ASTN1: variants seen among roughly 807,000 people sequenced by gnomAD.
The protein encoded by ASTN1 is astrotactin 1.
ASTN1 carries 41 observed loss-of-function variants against 140.7 expected under a neutral mutation model. That is an observed-to-expected ratio of 0.29 (90% CI 0.23 to 0.38). The LOEUF is 0.38. ASTN1 is among the 10% of genes least tolerant of loss of function. The probability of loss-of-function intolerance (pLI) is 1.00; values close to 1 mark genes in which losing one functional copy is unlikely to be tolerated. For synonymous variants in ASTN1, 640 were observed against 652.2 expected (o/e 0.98, Z 0.29); for missense variants, 1,479 against 1,678.8 (o/e 0.88, Z 2.08).
downstream of ASTN1, among the ~76,000 whole-genome samples, chr1:176,858,879 G>C (rs571346712): frequency 2.6e-5 from 4 of 152,160 alleles, no homozygotes; most frequent in Non-Finnish European, 4.4e-5. Context: ...ATAGTGTAAG[G>C]GTTTGTGTCA....
chr1:177,048,597 G>C (rs182779356), intron 2 of ASTN1, among the ~76,000 whole-genome samples: 1 of 152,266 alleles, frequency 6.6e-6, no homozygotes, highest in African/African-American at 2.4e-5. Context: ...TCTCCTTCCG[G>C]GAGTATTCAA....
chr1:177,139,165 G>C (rs532063119), intron 1 of ASTN1, among the ~76,000 whole-genome samples: 4 of 152,218 alleles, frequency 2.6e-5, no homozygotes, highest in African/African-American at 4.8e-5. Context: ...AGGAAGACAA[G>C]GGTGCTAAAA....
chr1:177,004,607 T>G (rs1387727279), intron 8 of ASTN1, among the ~76,000 whole-genome samples: 1 of 152,172 alleles, frequency 6.6e-6, no homozygotes, highest in Admixed American at 6.5e-5. Flanking sequence ...CAAAATAGCA[T>G]GGTACTGGTA....
intron 16 of ASTN1, among the ~76,000 whole-genome samples, chr1:176,920,698 C>A (rs1310306467): frequency 6.6e-6 from 1 of 152,220 alleles, no homozygotes; most frequent in Admixed American, 6.5e-5. Context: ...CCACACTGTC[C>A]TATGGACACT....
intron 8 of ASTN1, among the ~76,000 whole-genome samples, chr1:176,979,968 A>C (rs899222844): frequency 6.6e-6 from 1 of 152,206 alleles, no homozygotes; most frequent in African/African-American, 2.4e-5. Flanking sequence ...ACAAAATTAA[A>C]GACAATAAGT....
At chr1:176,918,309 A>G (rs11587780) in intron 16 of ASTN1, among the ~76,000 whole-genome samples, 20,436 of 152,186 alleles carry the variant, frequency 0.13, 1,470 homozygotes, top group Middle Eastern at 0.2. Context: ...TGAATTCACC[A>G]GAACTCACAG....
intron 1 of ASTN1, among the ~76,000 whole-genome samples, chr1:177,109,435 CAT>C (rs1680708483): frequency 6.6e-6 from 1 of 152,052 alleles, no homozygotes; most frequent in African/African-American, 2.4e-5. Context: ...CACACACACA[CAT>C]ACAGAGAGAG....
intron 8 of ASTN1, among the ~76,000 whole-genome samples, chr1:176,992,182 A>T (rs1674214355): frequency 1.3e-5 from 2 of 152,222 alleles, no homozygotes; most frequent in South Asian, 4.1e-4. Flanking sequence ...GTTGGGAACC[A>T]TGGAAATAAA....
At chr1:176,901,170 C>T (rs1030820384) in intron 16 of ASTN1, among the ~76,000 whole-genome samples, 1 of 152,156 alleles carries the variant, frequency 6.6e-6, no homozygotes, top group Non-Finnish European at 1.5e-5. Context: ...GGTTCTACTA[C>T]TTTTGGGTGC....
intron 1 of ASTN1, among the ~76,000 whole-genome samples, chr1:177,072,841 T>G (rs181685879): frequency 7.2e-5 from 11 of 152,312 alleles, no homozygotes; most frequent in Admixed American, 5.9e-4. Context: ...GTCACTGTAG[T>G]GCTGCTTGTG....
At chr1:176,924,979 A>G (rs1670893586) in intron 16 of ASTN1, among the ~76,000 whole-genome samples, 1 of 152,218 alleles carries the variant, frequency 6.6e-6, no homozygotes, top group African/African-American at 2.4e-5. Context: ...AATGTTGCCT[A>G]GAGTAGTACA....
intron 8 of ASTN1, among the ~76,000 whole-genome samples, chr1:177,004,397 A>G (rs1050061096): frequency 3.3e-5 from 5 of 152,208 alleles, no homozygotes; most frequent in African/African-American, 1.2e-4. Flanking sequence ...CATACTGCCC[A>G]AAGCAACCTA....
chr1:177,065,738 G>T (rs1235581984), intron 1 of ASTN1, among the ~76,000 whole-genome samples: 2 of 152,188 alleles, frequency 1.3e-5, no homozygotes, highest in Admixed American at 1.3e-4. Context: ...TGACAACTGT[G>T]AACGTGGTGA....
chr1:177,134,994 C>T (rs10047083), intron 1 of ASTN1, among the ~76,000 whole-genome samples: 24,279 of 152,080 alleles, frequency 0.16, 3,972 homozygotes, highest in African/African-American at 0.42. Flanking sequence ...TCTCCTCTCT[C>T]TCCTTCCTTC....
At chr1:177,043,324 C>T (rs76410584) in intron 2 of ASTN1, among the ~76,000 whole-genome samples, 4,636 of 152,238 alleles carry the variant, frequency 0.03, 234 homozygotes, top group African/African-American at 0.11. Flanking sequence ...TCAGACTTAA[C>T]TTTCAGGGAA....
chr1:176,963,601 T>A (rs977561751), intron 9 of ASTN1, among the ~76,000 whole-genome samples: 2 of 152,140 alleles, frequency 1.3e-5, no homozygotes, highest in Admixed American at 6.5e-5. Context: ...GAAAAGAACA[T>A]AAATGGTGCT....
chr1:177,131,778 G>A (rs773930715), intron 1 of ASTN1, among the ~76,000 whole-genome samples: 40 of 152,126 alleles, frequency 2.6e-4, no homozygotes, highest in Middle Eastern at 3.2e-3. Context: ...GTTCAGGACC[G>A]GACATCTGCA....
rs141802214 is a variant in ASTN1 at position 176,983,773 on chromosome 1, G to C, written c.1524-18536C>G. Among the ~76,000 whole-genome samples, 112 of 152,298 alleles carry C rather than the reference G, an allele frequency of 7.4e-4. 2 individuals are homozygous for C. The Middle Eastern group carries it at 0.014, about 19-fold the overall frequency. On this transcript the variant is annotated intron_variant, in intron 8 of 22. Coordinates refer to ENST00000361833, the MANE Select transcript of ASTN1 (RefSeq NM_004319.3). Reference sequence around the variant, plus strand: ...TTGCATCTCAGTGCCCCTGTACTGTGCATACCAGCCTCTTTCTCTCTCTCA... The same window carrying C: ...TTGCATCTCAGTGCCCCTGTACTGTCCATACCAGCCTCTTTCTCTCTCTCA...
At chr1:177,127,425 T>C (rs1681707503) in intron 1 of ASTN1, among the ~76,000 whole-genome samples, 1 of 152,226 alleles carries the variant, frequency 6.6e-6, no homozygotes, top group Non-Finnish European at 1.5e-5. Flanking sequence ...TTCACCCATG[T>C]CACAATACTT....
Sources: allele counts gnomAD v4.1 joint callset (sites outside exome capture counted in the v4.1 genomes callset), GRCh38; gene constraint gnomAD v4.1.1; transcripts MANE v1.5; gene names NCBI Gene and HGNC (gene_info 2026-07-23, HGNC 2026-07-21).